Variants in KCNIP4 observed in about 807,000 individuals in gnomAD.
KCNIP4 encodes potassium voltage-gated channel interacting protein 4.
In KCNIP4, 12 loss-of-function variants were observed where a neutral mutation model predicts 34.0. That is an observed-to-expected ratio of 0.35 (90% CI 0.23 to 0.57). KCNIP4 has a LOEUF of 0.57. Ranked by LOEUF, KCNIP4 falls within the 20% of genes least tolerant of loss-of-function variation. The pLI is 0.83. For missense variants in KCNIP4, 238 were observed against 311.7 expected, an observed-to-expected ratio of 0.76 and a Z score of 1.78; for synonymous variants, 124 against 102.2, an observed-to-expected ratio of 1.21 and a Z score of -1.29.
At chr4:21,638,684 A>G (rs751348310) in intron 1 of KCNIP4, among the ~76,000 whole-genome samples, 19 of 152,200 alleles carry the variant, frequency 1.2e-4, no homozygotes, top group Middle Eastern at 3.2e-3. Context: ...AGGTTTTGAC[A>G]GCCAAATAAA....
intron 1 of KCNIP4, among the ~76,000 whole-genome samples, chr4:21,280,628 T>C (rs1235519259): frequency 6.6e-6 from 1 of 152,212 alleles, no homozygotes; most frequent in African/African-American, 2.4e-5. Flanking sequence ...GTCCAAATTT[T>C]CTTCAATAAC....
chr4:21,933,575 T>G (rs1015384249), intron 1 of KCNIP4, among the ~76,000 whole-genome samples: 2 of 152,114 alleles, frequency 1.3e-5, no homozygotes, highest in Non-Finnish European at 2.9e-5. Flanking sequence ...GAATGTATTT[T>G]TCAAGGTCTT....
rs1560199327 is a variant in KCNIP4, at chr4:21,234,403, T to TATAACATACATTA, written c.62-351695_62-351694insTAATGTATGTTAT. ...CATCATACATAACATATATAATATA[T>TATAACATACATTA]TATATAACATATACTATATATATTA... On this transcript the variant is annotated intron_variant, in intron 1 of 8. Transcript: ENST00000382152. 8.5e-5 allele frequency among the ~76,000 whole-genome samples: 11 copies of TATAACATACATTA among 129,672 alleles called. 1 individual carries two copies. Among genetic ancestry groups the TATAACATACATTA allele is most frequent in the Non-Finnish European group, 1.4e-4 (9 of 65,116 alleles). The allele number at this position is 129,672 out of a possible 152,430, so 85.1% of individuals were successfully genotyped here.
At chr4:21,496,012 T>A (rs1732821139) in intron 1 of KCNIP4, among the ~76,000 whole-genome samples, 1 of 152,220 alleles carries the variant, frequency 6.6e-6, no homozygotes, top group African/African-American at 2.4e-5. Flanking sequence ...TTGATGCAGA[T>A]GGTCCAAGAG....
intron 1 of KCNIP4, among the ~76,000 whole-genome samples, chr4:21,264,112 T>C (rs1553848825): frequency 6.6e-6 from 1 of 152,168 alleles, no homozygotes; most frequent in Non-Finnish European, 1.5e-5. Flanking sequence ...GCAGCCTCTG[T>C]CCTATGTGAA....
chr4:21,205,860 C>G (rs1756818485), intron 1 of KCNIP4, among the ~76,000 whole-genome samples: 1 of 152,158 alleles, frequency 6.6e-6, no homozygotes, highest in Non-Finnish European at 1.5e-5. Context: ...GGCTTCAAAG[C>G]CCTATGGTTA....
At chr4:21,443,733 G>A (rs1379288852) in intron 1 of KCNIP4, among the ~76,000 whole-genome samples, 1 of 152,074 alleles carries the variant, frequency 6.6e-6, no homozygotes, top group East Asian at 1.9e-4. Context: ...AGGAGTTCGA[G>A]ACCAGCCTGG....
At chr4:21,451,187 G>A (rs181414241) in intron 1 of KCNIP4, among the ~76,000 whole-genome samples, 93 of 152,272 alleles carry the variant, frequency 6.1e-4, no homozygotes, top group Middle Eastern at 3.4e-3. Flanking sequence ...TGTGAAGCTA[G>A]TTTTTGTTCT....
chr4:21,835,154 G>T (rs1057495429), intron 1 of KCNIP4, among the ~76,000 whole-genome samples: 5 of 151,970 alleles, frequency 3.3e-5, no homozygotes, highest in Admixed American at 2.0e-4. Context: ...TTACAGTAGG[G>T]TGAGATTATT....
chr4:20,800,073 T>C (rs944358284), intron 3 of KCNIP4, among the ~76,000 whole-genome samples: 1 of 152,192 alleles, frequency 6.6e-6, no homozygotes, highest in Non-Finnish European at 1.5e-5. Context: ...AAGAACAGAA[T>C]GATTCCCAAA....
rs759143667 is a variant in KCNIP4 at position 20,841,558 on chromosome 4, C to T, written c.288+8985G>A. On this transcript the variant is annotated intron_variant, in intron 3 of 8. Transcript: ENST00000382152. The stretch of plus-strand genomic sequence containing the variant: ...CCCCTTTTAATCCAAAACATCACGA[C>T]GTCCACTCAGCTCAACCTCCACCAC... Among the ~76,000 whole-genome samples the T allele has an allele frequency of 1.5e-3, 221 of 152,066 alleles. 2 individuals carry two copies. Among genetic ancestry groups the T allele is most frequent in the Non-Finnish European group, 1.9e-3 (132 of 68,012 alleles).
At chr4:21,105,767 C>G (rs1260733696) in intron 1 of KCNIP4, among the ~76,000 whole-genome samples, 2 of 151,396 alleles carry the variant, frequency 1.3e-5, no homozygotes, top group Non-Finnish European at 2.9e-5. Flanking sequence ...TGAGATACGT[C>G]CCATCAATAC....
At chr4:21,345,444 G>C (rs908962374) in intron 1 of KCNIP4, among the ~76,000 whole-genome samples, 1 of 152,114 alleles carries the variant, frequency 6.6e-6, no homozygotes, top group Admixed American at 6.6e-5. Context: ...AGTTTGAGGT[G>C]ATTTGTTACA....
chr4:20,761,013 C>T (rs969565738), intron 3 of KCNIP4, among the ~76,000 whole-genome samples: 6 of 152,118 alleles, frequency 3.9e-5, no homozygotes, highest in African/African-American at 1.4e-4. Context: ...ACTTTCAATA[C>T]ATTTAAGCTG....
At chr4:21,005,932 T>G (rs559218126) in intron 1 of KCNIP4, among the ~76,000 whole-genome samples, 1 of 152,310 alleles carries the variant, frequency 6.6e-6, no homozygotes. Context: ...GCATGCAAAC[T>G]TTGGTTGATC....
chr4:21,507,870 T>C (rs1303285045), intron 1 of KCNIP4, among the ~76,000 whole-genome samples: 1 of 152,216 alleles, frequency 6.6e-6, no homozygotes, highest in Non-Finnish European at 1.5e-5. Flanking sequence ...GCCCAGTTTA[T>C]GTGCAAGACC....
At chr4:21,057,874 A>G (rs9994813) in intron 1 of KCNIP4, among the ~76,000 whole-genome samples, 7,277 of 152,268 alleles carry the variant, frequency 0.048, 246 homozygotes, top group African/African-American at 0.1. Context: ...ATAGCATGTC[A>G]GTTATCTTTA....
intron 1 of KCNIP4, among the ~76,000 whole-genome samples, chr4:21,737,734 A>G (rs1034116457): frequency 6.6e-6 from 1 of 152,144 alleles, no homozygotes; most frequent in Non-Finnish European, 1.5e-5. Flanking sequence ...ATTTAAATAC[A>G]AATGTTTAAA....
intron 1 of KCNIP4, among the ~76,000 whole-genome samples, chr4:21,862,566 G>T (rs891699407): frequency 6.6e-6 from 1 of 152,180 alleles, no homozygotes; most frequent in Non-Finnish European, 1.5e-5. Context: ...GACACACAAA[G>T]CTTCATCGAG....
Sources: allele counts gnomAD v4.1 joint callset (sites outside exome capture counted in the v4.1 genomes callset), GRCh38; gene constraint gnomAD v4.1.1; transcripts MANE v1.5; gene names NCBI Gene and HGNC (gene_info 2026-07-23, HGNC 2026-07-21).